The following PARN variants were observed in gnomAD, a reference collection of about 807,000 sequenced individuals.
The protein encoded by PARN is poly(A)-specific ribonuclease PARN.
In PARN, 71 loss-of-function variants were observed where a neutral mutation model predicts 102.8. The ratio of observed to expected loss-of-function variants is 0.69; its 90% CI spans 0.57 to 0.84. The LOEUF (loss-of-function observed/expected upper bound fraction) is 0.84. Ranked by LOEUF, PARN falls within the 40% of genes least tolerant of loss-of-function variation. PARN has a pLI of 0.00. For synonymous variants in PARN, 261 were observed against 252.9 expected, an observed-to-expected ratio of 1.03 and a Z score of -0.30; for missense variants, 782 against 760.9, an observed-to-expected ratio of 1.03 and a Z score of -0.33.
intron 23 of PARN, among the ~76,000 whole-genome samples, chr16:14,441,402 G>T (rs147224881): frequency 2.3e-4 from 35 of 152,330 alleles, no homozygotes; most frequent in Middle Eastern, 3.4e-3. Context: ...GTAAGGCATT[G>T]CTTTTTCCAG....
rs542202479 is a variant in PARN, at chr16:14,450,519, T to TAC, written c.1671-3440_1671-3439dup. ...GAGTATATGTGTTCATATTTATGTA[T>TAC]ACACACACACACACACATATATATA... On this transcript the variant is annotated intron_variant, in intron 22 of 23. Coordinates refer to ENST00000437198, the MANE Select transcript of PARN (RefSeq NM_002582.4). Among the ~76,000 whole-genome samples the TAC allele has an allele frequency of 3.9e-3, 587 of 151,440 alleles. 1 individual carries two copies. Among genetic ancestry groups the TAC allele is most frequent in the South Asian group, 0.033 (155 of 4,768 alleles).
intron 11 of PARN, among the ~76,000 whole-genome samples, chr16:14,600,513 T>G (rs1231232405): frequency 6.6e-6 from 1 of 152,188 alleles, no homozygotes; most frequent in East Asian, 1.9e-4. Flanking sequence ...TCCTCTAAGA[T>G]CTCTCAGACT....
intron 18 of PARN, among the ~76,000 whole-genome samples, chr16:14,561,691 C>G (rs1437951922): frequency 2.0e-5 from 3 of 152,178 alleles, no homozygotes; most frequent in Non-Finnish European, 4.4e-5. Flanking sequence ...TGCCTGTAGT[C>G]CCAGCTACTC....
intron 18 of PARN, among the ~76,000 whole-genome samples, chr16:14,578,052 T>C (rs1381092213): frequency 1.6e-4 from 24 of 151,500 alleles, no homozygotes; most frequent in Non-Finnish European, 2.7e-4. Context: ...AAACAGGCCA[T>C]GCATGGTGGC....
At chr16:14,486,231 G>A (rs994749268) in intron 21 of PARN, among the ~76,000 whole-genome samples, 8 of 152,178 alleles carry the variant, frequency 5.3e-5, no homozygotes, top group African/African-American at 1.9e-4. Context: ...GCCAGATGTG[G>A]TGGCTTCAGA....
intron 18 of PARN, among the ~76,000 whole-genome samples, chr16:14,576,793 G>C (rs549738127): frequency 2.6e-5 from 4 of 152,156 alleles, no homozygotes; most frequent in Non-Finnish European, 4.4e-5. Context: ...AAAGCAAGGA[G>C]GACTATGGGA....
chr16:14,622,140 C>G (rs1341685683), intron 5 of PARN, among the ~76,000 whole-genome samples: 2 of 152,024 alleles, frequency 1.3e-5, no homozygotes, highest in Non-Finnish European at 2.9e-5. Flanking sequence ...TTACAGTGAG[C>G]CAAGATAGTG....
At chr16:14,506,775 G>A (rs1964914695) in intron 21 of PARN, among the ~76,000 whole-genome samples, 1 of 152,076 alleles carries the variant, frequency 6.6e-6, no homozygotes, top group Non-Finnish European at 1.5e-5. Flanking sequence ...AGGACTGCCT[G>A]AGCCCAGGAG....
intron 22 of PARN, among the ~76,000 whole-genome samples, chr16:14,467,422 GC>G (rs1333480979): frequency 6.6e-6 from 1 of 152,148 alleles, no homozygotes; most frequent in African/African-American, 2.4e-5. Flanking sequence ...GGGTTAATTT[GC>G]AATTATAGCA....
chr16:14,575,745 T>G (rs563735095), intron 18 of PARN, among the ~76,000 whole-genome samples: 1 of 152,276 alleles, frequency 6.6e-6, no homozygotes, highest in South Asian at 2.1e-4. Context: ...TGGTTTTGAA[T>G]TCTGAGGACA....
At chr16:14,610,470 C>CAA (rs554927448) in intron 7 of PARN, among the ~76,000 whole-genome samples, 174 bp downstream of exon 7, 86 of 91,212 alleles carry the variant, frequency 9.4e-4, no homozygotes, top group Middle Eastern at 6.0e-3. Flanking sequence ...AAGACTGTCT[C>CAA]AAAAAAAAAA....
rs561745453 is a variant in PARN at position 14,491,375 on chromosome 16, T to C, written c.1481-8548A>G. On this transcript the variant is annotated intron_variant, in intron 21 of 23. Coordinates refer to ENST00000437198, the MANE Select transcript of PARN (RefSeq NM_002582.4). ...TTGTCTTCTGAACAGGACCAGGTGC[T>C]CTCTGAGGGAAGGGATTATACATTA... Among the ~76,000 whole-genome samples, 6 of 152,034 alleles carry C rather than the reference T, an allele frequency of 3.9e-5. No individual in the cohort carries two copies. In the South Asian group the frequency reaches 1.0e-3, roughly 26 times the overall value.
chr16:14,526,593 G>C (rs1348507599), intron 21 of PARN, among the ~76,000 whole-genome samples: 1 of 152,096 alleles, frequency 6.6e-6, no homozygotes, highest in Non-Finnish European at 1.5e-5. Flanking sequence ...TACATCCCTG[G>C]TTTTCCCAAA....
At chr16:14,521,802 C>CA (rs747428935) in intron 21 of PARN, among the ~76,000 whole-genome samples, 1,764 of 136,852 alleles carry the variant, frequency 0.013, 32 homozygotes, top group African/African-American at 0.04. Context: ...AACTCCATCT[C>CA]AAAAAAAAAA....
At chr16:14,628,957 GAGGC>G (rs1180206389) in intron 2 of PARN, among the ~76,000 whole-genome samples, 1 of 152,176 alleles carries the variant, frequency 6.6e-6, no homozygotes, top group African/African-American at 2.4e-5. Flanking sequence ...CACACCTGTT[GAGGC>G]AGGCAATGAA....
intron 13 of PARN, among the ~76,000 whole-genome samples, chr16:14,592,710 G>A (rs1247163881): frequency 1.3e-5 from 2 of 152,150 alleles, no homozygotes; most frequent in Non-Finnish European, 1.5e-5. Context: ...ATTGTAGCAG[G>A]ACCAAACTAG....
intron 21 of PARN, among the ~76,000 whole-genome samples, chr16:14,545,025 A>C (rs1160548846): frequency 6.6e-6 from 1 of 151,992 alleles, no homozygotes; most frequent in Non-Finnish European, 1.5e-5. Flanking sequence ...CATCTCTACC[A>C]AAAAATACAA....
intron 21 of PARN, among the ~76,000 whole-genome samples, chr16:14,524,699 T>TA (rs1248176979): frequency 6.6e-6 from 1 of 152,172 alleles, no homozygotes; most frequent in Admixed American, 6.5e-5. Flanking sequence ...TCAGAAACAA[T>TA]ATGAAAACTG....
At chr16:14,481,785 C>CAT (rs1184533411) in intron 22 of PARN, among the ~76,000 whole-genome samples, 2 of 152,142 alleles carry the variant, frequency 1.3e-5, no homozygotes, top group Non-Finnish European at 2.9e-5. Context: ...CTATAATGAA[C>CAT]ATATGTATGT....
Sources: allele counts gnomAD v4.1 joint callset (sites outside exome capture counted in the v4.1 genomes callset), GRCh38; gene constraint gnomAD v4.1.1; transcripts MANE v1.5; gene names NCBI Gene and HGNC (gene_info 2026-07-23, HGNC 2026-07-21).